TET1: variants seen among roughly 807,000 people sequenced by gnomAD.
TET1 encodes methylcytosine dioxygenase TET1.
In TET1, 13 loss-of-function variants were observed where a neutral mutation model predicts 148.7. That is an observed-to-expected ratio of 0.09 (90% CI 0.06 to 0.14). The LOEUF is 0.14. Among genes scored for constraint, TET1 ranks in the 10% least tolerant of loss-of-function variants. The probability of loss-of-function intolerance (pLI) is 1.00; values close to 1 mark genes in which losing one functional copy is unlikely to be tolerated. For synonymous variants in TET1, 907 were observed against 937.2 expected (o/e 0.97, Z 0.59); for missense variants, 2,182 against 2,553.8 (o/e 0.85, Z 3.14).
In TET1 at chr10:68,573,788, G is replaced by A; in HGVS notation, c.1450G>A (p.Glu484Lys). ...CACTCCTCAATCATCATCAAACTCA[G>A]AGAAAAATTCATTACCTCCAGTAAT... ...GHTPQSSSNS[E>K]KNSLPPVMAI... Residue 484 changes from glutamate to lysine, a missense_variant, in exon 2 of 12, where the codon GAG becomes AAG. Around this residue, in one of 11 missense-constraint regions of TET1, gnomAD observed 665 missense variants for 672.4 expected, o/e 0.99. Coordinates refer to ENST00000373644, the MANE Select transcript of TET1 (RefSeq NM_030625.3). The A allele has an allele frequency of 1.2e-6, 2 of 1,613,992 alleles. No individual in the cohort carries two copies. Among genetic ancestry groups the A allele is most frequent in the Non-Finnish European group, 1.7e-6 (2 of 1,180,024 alleles).
At chr10:68,564,210 G>A (rs1431428897) in intron 1 of TET1, among the ~76,000 whole-genome samples, 1 of 150,486 alleles carries the variant, frequency 6.6e-6, no homozygotes, top group Non-Finnish European at 1.5e-5. Context: ...GTGTAGTGGT[G>A]TGATCTCCGC....
In TET1 at chr10:68,639,458, TACTAC is replaced by T. The variant is rs1564984347; in HGVS notation, c.1969-5239_1969-5235del. 1.0e-4 allele frequency among the ~76,000 whole-genome samples: 14 copies of T among 140,222 alleles called. No individual in the cohort carries two copies. The South Asian group carries it at 1.1e-3, about 11-fold the overall frequency. 92.0% of individuals were successfully genotyped at this position (140,222 alleles called of 152,430 possible). On this transcript the variant is annotated intron_variant, in intron 3 of 11. Coordinates refer to ENST00000373644, the MANE Select transcript of TET1 (RefSeq NM_030625.3). ...TTACTATTATTATTACTACTACTAC[TACTAC>T]TACTATTATTATTATTATTATTATT...
Position 68,691,140 on chromosome 10 carries a change from C to G in TET1, c.5737C>G (p.Leu1913Val). 6.2e-7 allele frequency: 1 copy of G among 1,614,218 alleles called. No individual in the cohort carries two copies. The highest frequency in any genetic ancestry group is 8.5e-7 in the Non-Finnish European group (1 of 1,180,050). ...TGGCGAAGTGGCTCCTCTCCCCACC[C>G]TGTCTGCTCCTGTGATGGAGCCCCT... ...QLGEVAPLPT[L>V]SAPVMEPLIN... The change falls in exon 12 of 12, where the codon CTG becomes GTG. Residue 1913 changes from leucine (L) to valine (V), a missense_variant. By Grantham distance (32) the Leu-to-Val change is conservative (BLOSUM62 1). Coordinates refer to ENST00000373644, the MANE Select transcript of TET1 (RefSeq NM_030625.3). The surrounding 1 kb of genome is among the most constrained non-coding windows in gnomAD (Gnocchi z 4.4).
At chr10:68,610,522 C>T (rs887988252) in intron 3 of TET1, among the ~76,000 whole-genome samples, 12 of 150,392 alleles carry the variant, frequency 8.0e-5, no homozygotes, top group African/African-American at 2.2e-4. Context: ...ACCCAGGGGG[C>T]GGAGGTTGCA....
intron 2 of TET1, among the ~76,000 whole-genome samples, chr10:68,586,323 G>A (rs1350691922): frequency 5.3e-5 from 8 of 151,902 alleles, no homozygotes; most frequent in Admixed American, 2.6e-4. Flanking sequence ...GATTACAGGC[G>A]CCAACCACCA....
intron 4 of TET1, 100 bp from the exon 5 acceptor site, chr10:68,651,746 G>A: frequency 1.3e-6 from 1 of 753,720 alleles, no homozygotes; most frequent in East Asian, 2.8e-5. Context: ...AAGATTCATG[G>A]TTCTGAATTG....
chr10:68,646,066 C>G lies in TET1; in HGVS notation c.3337C>G (p.Gln1113Glu), dbSNP rs2054840692. 1 of 1,613,836 alleles carries G rather than the reference C, an allele frequency of 6.2e-7. No individual in the cohort carries two copies. The highest frequency in any genetic ancestry group is 1.3e-5 in the African/African-American group (1 of 74,860). Residue 1113 changes from glutamine to glutamate, a missense_variant, in exon 4 of 12, where the codon CAG (glutamine) becomes GAG (glutamate). Physicochemically the swap from Gln to Glu is conservative, Grantham distance 29. This residue lies in a region of TET1 where 582 missense variants were observed against 599.5 expected (regional missense o/e 0.97). Coordinates refer to ENST00000373644, the MANE Select transcript of TET1 (RefSeq NM_030625.3). ...AACAAGCCTTGTCACATGTAATGTA[C>G]AGCAAAAATACAATCAGGAGAAGGG... ...TPTSLVTCNVQQKYNQEKGTI... is the reference protein window; with the variant it reads ...TPTSLVTCNVEQKYNQEKGTI...
At chr10:68,611,324 G>A (rs183494249) in intron 3 of TET1, among the ~76,000 whole-genome samples, 1 of 151,906 alleles carries the variant, frequency 6.6e-6, no homozygotes, top group East Asian at 1.9e-4. Context: ...AAAAAATGTG[G>A]ATTTCAGTCA....
chr10:68,676,931 A>G (rs564216196), intron 8 of TET1, among the ~76,000 whole-genome samples: 1 of 152,350 alleles, frequency 6.6e-6, no homozygotes, highest in African/African-American at 2.4e-5. Flanking sequence ...AAATTACAAC[A>G]GGAGATGGAG....
chr10:68,659,008 A>C (rs1196338647), intron 6 of TET1, among the ~76,000 whole-genome samples: 6 of 152,222 alleles, frequency 3.9e-5, no homozygotes, highest in Non-Finnish European at 1.5e-5. Context: ...CAGGCAGATC[A>C]CTTGAGACCA....
rs372322336 is a variant in TET1, at chr10:68,631,720, AGCTAAGT to A, written c.1969-12974_1969-12968del. 4.4e-3 allele frequency among the ~76,000 whole-genome samples: 677 copies of A among 152,282 alleles called. 3 individuals carry two copies. Among genetic ancestry groups the A allele is most frequent in the African/African-American group, 0.015 (640 of 41,560 alleles). On this transcript the variant is annotated intron_variant, in intron 3 of 11. Coordinates refer to ENST00000373644, the MANE Select transcript of TET1 (RefSeq NM_030625.3). ...AAACACGTCTGTGCATATTACCACC[AGCTAAGT>A]GCTTGATGGTAAATAAATACTCGGT...
At chr10:68,658,690 C>T (rs1029903040) in intron 6 of TET1, among the ~76,000 whole-genome samples, 7 of 152,014 alleles carry the variant, frequency 4.6e-5, no homozygotes, top group African/African-American at 1.7e-4. Context: ...CACTTTGGAT[C>T]TTGTCAGAAA....
At chr10:68,608,556 A>ATTTATTTATTTATTT (rs1397976996) in intron 3 of TET1, among the ~76,000 whole-genome samples, 10 of 151,828 alleles carry the variant, frequency 6.6e-5, no homozygotes, top group African/African-American at 2.2e-4. Flanking sequence ...TATTTTTGAG[A>ATTTATTTATTTATTT]TGGAGTCTTG....
intron 3 of TET1, among the ~76,000 whole-genome samples, chr10:68,643,549 G>A (rs749504555): frequency 2.6e-5 from 4 of 152,150 alleles, no homozygotes; most frequent in South Asian, 4.2e-4. Context: ...GGCTGTGCAC[G>A]GTGGCTCACA....
At position 68,682,778 on chromosome 10, in the gene TET1, T is replaced by C. The variant is rs1035607087; in HGVS notation, c.4915-58T>C. ...TGAGGAAATTATTTTTACTCTTTAC[T>C]GAAGGTAGGTGATTTCCTTCTCTCT... On this transcript the variant is annotated intron_variant, in intron 9 of 11. Coordinates refer to ENST00000373644, the MANE Select transcript of TET1 (RefSeq NM_030625.3). 7 of 1,541,924 alleles carry C rather than the reference T, an allele frequency of 4.5e-6. No homozygotes were observed. In the African/African-American group the frequency reaches 9.7e-5, roughly 21 times the overall value.
At chr10:68,627,551 G>A (rs967068516) in intron 3 of TET1, among the ~76,000 whole-genome samples, 22 of 152,200 alleles carry the variant, frequency 1.4e-4, no homozygotes, top group African/African-American at 4.3e-4. Context: ...AGCCGAGATC[G>A]TGCTACTGCA....
At chr10:68,676,217 CAT>C (rs1236418997) in intron 8 of TET1, among the ~76,000 whole-genome samples, 3 of 112,662 alleles carry the variant, frequency 2.7e-5, no homozygotes, top group African/African-American at 1.1e-4. Flanking sequence ...TATATATACA[CAT>C]ATATATGTAT....
chr10:68,624,636 CTTTCTT>C (rs2054432799), intron 3 of TET1, among the ~76,000 whole-genome samples: 15 of 45,246 alleles, frequency 3.3e-4, no homozygotes, highest in Admixed American at 3.1e-3. Context: ...TTCTTTCTTT[CTTTCTT>C]TCTTTCTTTC....
intron 8 of TET1, among the ~76,000 whole-genome samples, chr10:68,679,838 T>C (rs2055412758): frequency 6.6e-6 from 1 of 152,158 alleles, no homozygotes. Flanking sequence ...CACACCTGGC[T>C]AATTTTTGTA....
Sources: allele counts gnomAD v4.1 joint callset (sites outside exome capture counted in the v4.1 genomes callset), GRCh38; gene constraint gnomAD v4.1.1; regional missense constraint gnomAD v4.1.1; non-coding constraint Gnocchi (gnomAD v3.1); transcripts MANE v1.5; gene names NCBI Gene and HGNC (gene_info 2026-07-23, HGNC 2026-07-21).